Variants in HTR3B observed in about 807,000 individuals in gnomAD.
HTR3B encodes 5-hydroxytryptamine (serotonin) receptor 3B, ionotropic.
Under a neutral mutation model 42.8 loss-of-function variants are expected in HTR3B, and 44 were observed. That is an observed-to-expected ratio of 1.03 (90% CI 0.81 to 1.32). The LOEUF (loss-of-function observed/expected upper bound fraction) is 1.32, where lower values mean the gene tolerates loss of function less well. Among genes scored for constraint, HTR3B ranks in the 40% most tolerant of loss-of-function variants. The pLI is 0.00. For synonymous variants in HTR3B, 203 were observed against 209.0 expected (o/e 0.97, Z 0.25); for missense variants, 527 against 536.5 (o/e 0.98, Z 0.17).
At chr11:113,943,234 C>T (rs1426051459) in intron 7 of HTR3B, 42 bp downstream of exon 7, 3 of 1,486,780 alleles carry the variant, frequency 2.0e-6, no homozygotes, top group Non-Finnish European at 1.9e-6. Flanking sequence ...CTTACATGAC[C>T]CCTGTGAAAG....
At chr11:113,911,841 T>A (rs1044796021) in intron 2 of HTR3B, among the ~76,000 whole-genome samples, 1 of 152,082 alleles carries the variant, frequency 6.6e-6, no homozygotes, top group African/African-American at 2.4e-5. Flanking sequence ...ATAACCCATA[T>A]CTCTATCAAG....
chr11:113,909,109 C>G (rs1451350923), intron 1 of HTR3B, 186 bp from the exon 2 acceptor site: 1 of 608,518 alleles, frequency 1.6e-6, no homozygotes, highest in African/African-American at 1.9e-5. Context: ...CCATTGGGCA[C>G]TTAGGCCATC....
intron 2 of HTR3B, among the ~76,000 whole-genome samples, chr11:113,924,292 A>C (rs1716840960): frequency 6.6e-6 from 1 of 152,014 alleles, no homozygotes; most frequent in Admixed American, 6.6e-5. Flanking sequence ...GGTGAGACAT[A>C]ATCTATTTCA....
At chr11:113,926,975 C>T (rs1217937479) in intron 2 of HTR3B, among the ~76,000 whole-genome samples, 6 of 152,090 alleles carry the variant, frequency 3.9e-5, no homozygotes. Context: ...GGTATCTCGT[C>T]GTGGTTTTGA....
upstream of HTR3B, among the ~76,000 whole-genome samples, chr11:113,902,512 G>A (rs112511560): frequency 0.012 from 1,825 of 152,226 alleles, 28 homozygotes; most frequent in African/African-American, 0.041. Flanking sequence ...GGCCAGGCTG[G>A]CCTTGAACTC....
chr11:113,912,905 T>A (rs1200819402), intron 2 of HTR3B, among the ~76,000 whole-genome samples: 1 of 151,296 alleles, frequency 6.6e-6, no homozygotes, highest in Non-Finnish European at 1.5e-5. Context: ...GGTTTTTTTT[T>A]ATTGTTATTA....
At chr11:113,908,133 A>G (rs759506512) in intron 1 of HTR3B, among the ~76,000 whole-genome samples, 10 of 152,174 alleles carry the variant, frequency 6.6e-5, no homozygotes, top group Non-Finnish European at 1.5e-5. Flanking sequence ...ATGAAAGTGT[A>G]TATTGCACTG....
In HTR3B at chr11:113,909,276, A is replaced by G; in HGVS notation, c.53-19A>G. The G allele has an allele frequency of 2.5e-6, 4 of 1,604,006 alleles. No individual in the cohort carries two copies. The highest frequency in any genetic ancestry group is 2.6e-6 in the Non-Finnish European group (3 of 1,170,946). On this transcript the variant is annotated intron_variant, in intron 1 of 8. Transcript: ENST00000260191. ...AGCTCCTCTTACTTTTATCTTCACA[A>G]TGATAGTTTATTTTCCAGGAATTCT...
In HTR3B at chr11:113,938,295, G is replaced by T. The variant is rs535549960; in HGVS notation, c.697-4687G>T. ...GCTCCATGTGCAAATTCATTCAGCC[G>T]CATCCCAACATCCCCCAAAGTTTAA... On this transcript the variant is annotated intron_variant, in intron 6 of 8. Transcript: ENST00000260191. 2.6e-5 allele frequency among the ~76,000 whole-genome samples: 4 copies of T among 152,138 alleles called. No individual in the cohort carries two copies. In the East Asian group the frequency reaches 5.8e-4, roughly 22 times the overall value.
Position 113,946,028 on chromosome 11 carries a change from T to A in HTR3B, c.1217T>A (p.Leu406Gln). Residue 406 changes from leucine (L) to glutamine (Q), a missense_variant, in exon 9 of 9, where the codon CTG (leucine) becomes CAG (glutamine). By Grantham distance (113) the Leu-to-Gln change is moderately radical. Coordinates refer to ENST00000260191, the MANE Select transcript of HTR3B (RefSeq NM_006028.5). ...ACAGACCAACAGGAGGCAGAGTGGCTGGTCCTCCTGTCCCGCTTTGACCGA... is the reference window on the plus strand; with the variant it reads ...ACAGACCAACAGGAGGCAGAGTGGCAGGTCCTCCTGTCCCGCTTTGACCGA... Reference protein sequence around the residue: ...DQTDQQEAEWLVLLSRFDRLL... With the variant: ...DQTDQQEAEWQVLLSRFDRLL... 6.2e-7 allele frequency: 1 copy of A among 1,614,126 alleles called. No homozygotes were observed. Among genetic ancestry groups the A allele is most frequent in the Non-Finnish European group, 8.5e-7 (1 of 1,180,002 alleles).
chr11:113,909,146 C>A, intron 1 of HTR3B, 149 bp from the exon 2 acceptor site: 1 of 662,202 alleles, frequency 1.5e-6, no homozygotes. Context: ...TTGCCAAAGG[C>A]CCCACCAGCT....
chr11:113,904,736 A>G, upstream of HTR3B: 1 of 529,168 alleles, frequency 1.9e-6, no homozygotes, highest in Non-Finnish European at 3.4e-6. Flanking sequence ...GACGGCATCA[A>G]TTCCAAAACA....
intron 1 of HTR3B, 148 bp downstream of exon 1, chr11:113,905,133 G>A: frequency 1.6e-6 from 1 of 608,282 alleles, no homozygotes. Context: ...AAGCTATATG[G>A]AAAACAATGA....
rs1827231826 is a variant in HTR3B, at chr11:113,946,141, C to T, written c.*4C>T. 6.3e-7 allele frequency: 1 copy of T among 1,595,792 alleles called. No homozygotes were observed. Among genetic ancestry groups the T allele is most frequent in the Non-Finnish European group, 8.6e-7 (1 of 1,163,918 alleles). On this transcript the variant is annotated 3_prime_UTR_variant, in exon 9 of 9. Coordinates refer to ENST00000260191, the MANE Select transcript of HTR3B (RefSeq NM_006028.5). ...GGCACTGTGGGGCGGCGTGTGAAGA[C>T]TGAAGTGTTCTTCAGTAATTGTGCT... is the stretch of plus-strand genomic sequence containing the variant.
At position 113,946,860 on chromosome 11, in the gene HTR3B, G is replaced by A. The variant is rs2137544560; in HGVS notation, c.*723G>A. Among the ~76,000 whole-genome samples the A allele has an allele frequency of 6.6e-6, 1 of 152,252 alleles. No homozygotes were observed. ...ACCCATTCAACAAAACCTTTATTGA[G>A]TATTAAGTCCTAGGCATTATGTTAG... On this transcript the variant is annotated 3_prime_UTR_variant, in exon 9 of 9. Coordinates refer to ENST00000260191, the MANE Select transcript of HTR3B (RefSeq NM_006028.5).
Position 113,947,497 on chromosome 11 carries a change from C to G in HTR3B, c.*1360C>G, listed in dbSNP as rs563653729. The stretch of plus-strand genomic sequence containing the variant: ...TTCTCACCAGTCTGGAAGCTAGAAG[C>G]CTAAGATCAAGGTGCAAACAGGGTG... On this transcript the variant is annotated 3_prime_UTR_variant, in exon 9 of 9. Transcript: ENST00000260191. 2.0e-5 allele frequency among the ~76,000 whole-genome samples: 3 copies of G among 152,312 alleles called. No homozygotes were observed. The highest frequency in any genetic ancestry group is 1.3e-4 in the Admixed American group (2 of 15,298).
chr11:113,930,346 A>T (rs1190141224), intron 2 of HTR3B, among the ~76,000 whole-genome samples: 1 of 151,956 alleles, frequency 6.6e-6, no homozygotes, highest in Non-Finnish European at 1.5e-5. Flanking sequence ...ATTTGGGTGT[A>T]TGATTCATTT....
At chr11:113,934,959 T>C (rs548491371) in intron 6 of HTR3B, among the ~76,000 whole-genome samples, 2 of 152,066 alleles carry the variant, frequency 1.3e-5, no homozygotes, top group African/African-American at 4.8e-5. Flanking sequence ...CACCATTACC[T>C]ACACTGCACG....
At chr11:113,941,887 C>T (rs920171706) in intron 6 of HTR3B, among the ~76,000 whole-genome samples, 2 of 152,108 alleles carry the variant, frequency 1.3e-5, no homozygotes, top group Admixed American at 6.5e-5. Context: ...ACCCAGTCCC[C>T]GAAAAGCCCA....
Sources: gnomAD v4.1 joint callset for allele counts (sites outside exome capture counted in the v4.1 genomes callset) on GRCh38, gnomAD v4.1.1 for gene constraint, MANE v1.5 for transcripts, NCBI Gene and HGNC (gene_info 2026-07-23, HGNC 2026-07-21) for gene names.